The following ARB2A variants were observed in gnomAD, a reference collection of about 807,000 sequenced individuals.
The protein encoded by ARB2A is cotranscriptional regulator ARB2A.
At chr5:93,744,303 C>CAT in the ARB2A span, among the ~76,000 whole-genome samples, 1 of 151,478 alleles carries the variant, frequency 6.6e-6, no homozygotes, top group Admixed American at 6.6e-5. Context: ...GGCATGGTGG[C>CAT]GCGGACCTGT....
the ARB2A span, among the ~76,000 whole-genome samples, chr5:94,021,947 T>TG: frequency 2.0e-5 from 3 of 152,174 alleles, no homozygotes; most frequent in Non-Finnish European, 4.4e-5. Context: ...GGCATGCACC[T>TG]GTAGTCCCAG....
chr5:93,930,744 T>C, the ARB2A span, among the ~76,000 whole-genome samples: 1 of 152,168 alleles, frequency 6.6e-6, no homozygotes, highest in African/African-American at 2.4e-5. Flanking sequence ...CAAAGGTAAA[T>C]ATAAGCATAG....
At chr5:94,057,327 T>C in the ARB2A span, among the ~76,000 whole-genome samples, 1 of 152,174 alleles carries the variant, frequency 6.6e-6, no homozygotes, top group African/African-American at 2.4e-5. Flanking sequence ...CTGAGATTCC[T>C]AGAGTCATCA....
At chr5:94,000,190 G>A in the ARB2A span, among the ~76,000 whole-genome samples, 7 of 152,220 alleles carry the variant, frequency 4.6e-5, no homozygotes, top group East Asian at 7.7e-4. Flanking sequence ...CAAAAAGTGC[G>A]ATTGCTAGAT....
the ARB2A span, among the ~76,000 whole-genome samples, chr5:94,047,622 C>G: frequency 6.6e-6 from 1 of 152,172 alleles, no homozygotes. Context: ...TGCTCTCTCT[C>G]TGTAAATAAC....
chr5:93,975,190 C>T, the ARB2A span, among the ~76,000 whole-genome samples: 1 of 151,620 alleles, frequency 6.6e-6, no homozygotes, highest in Non-Finnish European at 1.5e-5. Context: ...GTAGCGAGCA[C>T]CTTGTAGTCC....
chr5:94,074,660 GTCTTT>G, the ARB2A span: 7 of 1,612,190 alleles, frequency 4.3e-6, no homozygotes, highest in Non-Finnish European at 5.9e-6. Flanking sequence ...CAGTGCGGTA[GTCTTT>G]TCTTTTTCAT....
chr5:93,766,059 A>C, the ARB2A span, among the ~76,000 whole-genome samples: 1 of 152,212 alleles, frequency 6.6e-6, no homozygotes, highest in Non-Finnish European at 1.5e-5. Flanking sequence ...AAAGACTTAA[A>C]TGTTAGACTC....
At chr5:94,023,922 G>A in the ARB2A span, among the ~76,000 whole-genome samples, 2 of 152,182 alleles carry the variant, frequency 1.3e-5, no homozygotes, top group Non-Finnish European at 2.9e-5. Context: ...TTGTTTGTGG[G>A]TAGAAAGCTA....
chr5:93,993,821 T>C, the ARB2A span, among the ~76,000 whole-genome samples: 1 of 150,364 alleles, frequency 6.7e-6, no homozygotes, highest in African/African-American at 2.4e-5. Context: ...ATACTATATA[T>C]ATTTATATTT....
the ARB2A span, among the ~76,000 whole-genome samples, chr5:93,938,088 A>G: frequency 6.6e-6 from 1 of 152,152 alleles, no homozygotes; most frequent in Non-Finnish European, 1.5e-5. Context: ...GCTCCGTGAT[A>G]TTTATACAGA....
At chr5:93,896,081 A>G in the ARB2A span, among the ~76,000 whole-genome samples, 2 of 152,108 alleles carry the variant, frequency 1.3e-5, no homozygotes, top group Non-Finnish European at 2.9e-5. Flanking sequence ...GCCATAATAT[A>G]TCAATACTAT....
At chr5:93,769,332 G>A in the ARB2A span, among the ~76,000 whole-genome samples, 2 of 152,168 alleles carry the variant, frequency 1.3e-5, no homozygotes, top group African/African-American at 4.8e-5. Context: ...TTTGTGGTCA[G>A]TACACATGTT....
chr5:93,785,970 C>T, the ARB2A span, among the ~76,000 whole-genome samples: 1 of 152,126 alleles, frequency 6.6e-6, no homozygotes, highest in African/African-American at 2.4e-5. Flanking sequence ...GATAAAACCC[C>T]AAATTCCACA....
At chr5:93,866,025 A>C in the ARB2A span, 1 of 984,764 alleles carries the variant, frequency 1.0e-6, no homozygotes. Flanking sequence ...AAGAGAAAAA[A>C]CGTTGCTAAA....
At chr5:93,689,117 A>C in the ARB2A span, among the ~76,000 whole-genome samples, 1 of 152,102 alleles carries the variant, frequency 6.6e-6, no homozygotes, top group East Asian at 1.9e-4. Flanking sequence ...TCCTACCCTC[A>C]TACTCTATTC....
chr5:93,826,840 G>A, the ARB2A span, among the ~76,000 whole-genome samples: 1 of 145,218 alleles, frequency 6.9e-6, no homozygotes, highest in Non-Finnish European at 1.5e-5. Flanking sequence ...GTGAGAACAT[G>A]CGGTGTTTGG....
the ARB2A span, among the ~76,000 whole-genome samples, chr5:94,053,874 T>G: frequency 2.6e-5 from 4 of 152,144 alleles, no homozygotes; most frequent in African/African-American, 9.7e-5. Flanking sequence ...GCTCAAGTGA[T>G]CCTCCCACCT....
the ARB2A span, among the ~76,000 whole-genome samples, chr5:94,025,840 G>A: frequency 6.6e-6 from 1 of 152,268 alleles, no homozygotes; most frequent in African/African-American, 2.4e-5. Flanking sequence ...GGCCTTGCTT[G>A]GGCCCAGGTA....
Sources: allele counts gnomAD v4.1 joint callset (sites outside exome capture counted in the v4.1 genomes callset), GRCh38; gene constraint gnomAD v4.1.1; transcripts MANE v1.5; gene names NCBI Gene and HGNC (gene_info 2026-07-23, HGNC 2026-07-21).